The following PYCR1 variants were observed in gnomAD, a reference collection of about 807,000 sequenced individuals.
The protein encoded by PYCR1 is pyrroline-5-carboxylate reductase 1, mitochondrial.
Under a neutral mutation model 22.9 loss-of-function variants are expected in PYCR1, and 19 were observed. The observed-to-expected ratio is 0.83, with a 90% CI of 0.58 to 1.22. PYCR1 has a LOEUF of 1.22. PYCR1 is among the 50% of genes most tolerant of loss of function. The pLI is 0.00. For missense variants in PYCR1, 429 were observed against 431.3 expected (o/e 0.99, Z 0.05); for synonymous variants, 175 against 180.5 (o/e 0.97, Z 0.24).
At chr17:81,934,578 C>T in intron 5 of PYCR1, 75 bp downstream of exon 5, 1 of 1,551,522 alleles carries the variant, frequency 6.4e-7, no homozygotes, top group Non-Finnish European at 8.7e-7. Context: ...ACTGACGCCC[C>T]ACTTGGCTCC....
chr17:81,935,071 G>T lies in PYCR1; in HGVS notation c.395C>A (p.Ala132Asp), dbSNP rs2041139511. ...TNTPVVVREG[A>D]TVYATGTHAQ... ...GTGCGTGCCTGTGGCATACACGGTG[G>T]CCCCCTCCCGCACCACGACTGGAGT... Residue 132 changes from alanine to aspartate, a missense_variant, in exon 4 of 7, where the codon GCC becomes GAC. By Grantham distance (126) the Ala-to-Asp change is moderately radical. Transcript: ENST00000329875. 6.2e-7 allele frequency: 1 copy of T among 1,610,396 alleles called. No homozygotes were observed.
chr17:81,936,062 T>A, intron 2 of PYCR1, 61 bp downstream of exon 2: 1 of 1,580,622 alleles, frequency 6.3e-7, no homozygotes, highest in Non-Finnish European at 8.7e-7. Flanking sequence ...CACACACTCC[T>A]GCCTCTCACA....
At position 81,935,383 on chromosome 17, in the gene PYCR1, A is replaced by G. The variant is rs1459093471; in HGVS notation, c.272T>C (p.Ile91Thr). 1.2e-6 allele frequency: 2 copies of G among 1,613,276 alleles called. No individual in the cohort carries two copies. The highest frequency in any genetic ancestry group is 1.3e-5 in the African/African-American group (1 of 74,896). Residue 91 changes from isoleucine (I) to threonine (T), a missense_variant, in exon 3 of 7, where the codon ATT becomes ACT. Transcript: ENST00000329875. ...EIGADIEDRH[I>T]VVSCAAGVTI... Reference sequence around the variant, plus strand: ...GACGCCGGCCGCGCAGGACACCACAATGTGTCTGTCCTCAATGTCGGCGCC... The same window carrying G: ...GACGCCGGCCGCGCAGGACACCACAGTGTGTCTGTCCTCAATGTCGGCGCC...
chr17:81,932,999 G>T lies in PYCR1; in HGVS notation c.*215C>A. 6.3e-7 allele frequency: 1 copy of T among 1,597,814 alleles called. No homozygotes were observed. ...TTGGGAGCAGAGAAGAAAGGAGGTT[G>T]AGGTTGGGGAATCCACCCCTGTTCT... On this transcript the variant is annotated 3_prime_UTR_variant, in exon 7 of 7. Transcript: ENST00000329875.
At chr17:81,935,549 C>T in intron 2 of PYCR1, 33 bp from the exon 3 acceptor site, 1 of 1,572,228 alleles carries the variant, frequency 6.4e-7, no homozygotes, top group Non-Finnish European at 8.6e-7. Context: ...CAGCCTGGTC[C>T]CGTGGCTGTC....
chr17:81,937,195 G>A lies in PYCR1; in HGVS notation c.-381C>T, dbSNP rs2041225240. ...ACTGGGCTACCGTCGCGCCCCACCC[G>A]GCGACCGCCGCCCACCATTCCCGGA... is the stretch of plus-strand genomic sequence containing the variant. On this transcript the variant is annotated 5_prime_UTR_variant, in exon 1 of 7. Coordinates refer to ENST00000329875, the MANE Select transcript of PYCR1 (RefSeq NM_006907.4). The A allele has an allele frequency of 2.0e-6, 3 of 1,476,018 alleles. No homozygotes were observed. Among genetic ancestry groups the A allele is most frequent in the African/African-American group, 1.4e-5 (1 of 70,264 alleles). 91.4% of individuals were successfully genotyped at this position (1,476,018 alleles called of 1,614,324 possible).
At position 81,936,152 on chromosome 17, in the gene PYCR1, T is replaced by C; in HGVS notation, c.109A>G (p.Met37Val). The C allele has an allele frequency of 3.1e-6, 5 of 1,613,858 alleles. No homozygotes were observed. Among genetic ancestry groups the C allele is most frequent in the South Asian group, 1.1e-5 (1 of 91,088 alleles). The change falls in exon 2 of 7, where the codon ATG becomes GTG. Residue 37 changes from methionine (M) to valine (V), a missense_variant. Transcript: ENST00000329875. Reference sequence around the variant, plus strand: ...AGAGCAGAAACTGTGGCCAGGTCCATGTCTGGGGAGCTAGCCATTATCTTG... The same window carrying C: ...AGAGCAGAAACTGTGGCCAGGTCCACGTCTGGGGAGCTAGCCATTATCTTG... ...AHKIMASSPD[M>V]DLATVSALRK...
At position 81,934,489 on chromosome 17, in the gene PYCR1, C is replaced by T. The variant is rs539230162; in HGVS notation, c.634G>A (p.Gly212Arg). ...GAGTGCAGCAGCATCTTGGCAGCCCCCTGCAGCCAGAAGAAAGGCTGACGG... is the reference window on the plus strand; with the variant it reads ...GAGTGCAGCAGCATCTTGGCAGCCCTCTGCAGCCAGAAGAAAGGCTGACGG... ...AVRLGAQALLGAAKMLLHSEQ... is the reference protein window; with the variant it reads ...AVRLGAQALLRAAKMLLHSEQ... Residue 212 changes from glycine to arginine, a missense_variant and splice_region_variant, in exon 6 of 7, where the codon GGG becomes AGG. Transcript: ENST00000329875. 2.5e-6 allele frequency: 4 copies of T among 1,599,448 alleles called. No individual in the cohort carries two copies. Among genetic ancestry groups the T allele is most frequent in the East Asian group, 4.5e-5 (2 of 44,378 alleles).
Position 81,933,300 on chromosome 17 carries a change from G to A in PYCR1, c.874C>T (p.Leu292=), listed in dbSNP as rs545475719. ...AGAGCGGTCCCTGCAGGGGAGTCCA[G>A]CTTCACCTTGTCCAGGATGGTCTTC... ...IKKTILDKVK[L]DSPAGTALSP... The change falls in exon 7 of 7, where the codon CTG becomes TTG. Residue 292 remains leucine, a synonymous_variant. Transcript: ENST00000329875. 5 of 1,613,922 alleles carry A rather than the reference G, an allele frequency of 3.1e-6. No homozygotes were observed. Among genetic ancestry groups the A allele is most frequent in the Non-Finnish European group, 4.2e-6 (5 of 1,179,986 alleles).
chr17:81,936,605 A>C (rs2041202234), intron 1 of PYCR1, 143 bp downstream of exon 1: 1 of 894,996 alleles, frequency 1.1e-6, no homozygotes, highest in Non-Finnish European at 1.7e-6. Flanking sequence ...GCACAGGTAA[A>C]GCCCCAAACA....
intron 2 of PYCR1, 32 bp from the exon 3 acceptor site, chr17:81,935,548 C>T (rs1354790985): frequency 1.3e-6 from 2 of 1,575,242 alleles, no homozygotes; most frequent in East Asian, 2.3e-5. Flanking sequence ...TCAGCCTGGT[C>T]CCGTGGCTGT....
rs11555730 is a variant in PYCR1 at position 81,935,130 on chromosome 17, C to G, written c.336G>C (p.Arg112=). The G allele has an allele frequency of 6.2e-7, 1 of 1,607,994 alleles. No homozygotes were observed. The highest frequency in any genetic ancestry group is 2.2e-5 in the East Asian group (1 of 44,862). Residue 112 remains arginine, a synonymous_variant, in exon 4 of 7, where the codon CGG becomes CGC. Coordinates refer to ENST00000329875, the MANE Select transcript of PYCR1 (RefSeq NM_006907.4). ...SSIEKKLSAF[R]PAPRVIRCMT... ...TGCAGCGGATGACCCTGGGGGCTGG[C>G]CGAAACGCTGACAGCTTCTGGAAGA...
At position 81,936,868 on chromosome 17, in the gene PYCR1, G is replaced by A; in HGVS notation, c.-54C>T. On this transcript the variant is annotated 5_prime_UTR_variant, in exon 1 of 7. Transcript: ENST00000329875. ...CCCACAGATGGCACCGGCTCTGCGG[G>A]ACGAGACCGGCAGGATCGAGAGCAA... 1 of 1,574,592 alleles carries A rather than the reference G, an allele frequency of 6.4e-7. No homozygotes were observed. The highest frequency in any genetic ancestry group is 1.2e-5 in the South Asian group (1 of 86,044).
Position 81,934,710 on chromosome 17 carries a change from AC to A in PYCR1, c.575del (p.Gly192ValfsTer2), listed in dbSNP as rs1567923524. 4 of 1,570,418 alleles carry A rather than the reference AC, an allele frequency of 2.5e-6. No homozygotes were observed. Among genetic ancestry groups the A allele is most frequent in the Non-Finnish European group, 3.5e-6 (4 of 1,158,772 alleles). ...GGCGCCTTGGAAGTCCCATCTTCAC[AC>A]CCCCATCAGCCAGGGCATCCAGGGC... ...FTALDALADG[G>X]VKMGLPRRLA... On this transcript the variant is annotated frameshift_variant, in exon 5 of 7. Coordinates refer to ENST00000329875, the MANE Select transcript of PYCR1 (RefSeq NM_006907.4). LOFTEE classifies it high-confidence loss of function.
rs376715130 is a variant in PYCR1 at position 81,935,364 on chromosome 17, G to A, written c.291C>T (p.Ala97=). 7.4e-6 allele frequency: 12 copies of A among 1,612,612 alleles called. No homozygotes were observed. The highest frequency in any genetic ancestry group is 1.3e-5 in the African/African-American group (1 of 74,886). ...EDRHIVVSCA[A]GVTISSIEKK... ...TCTCAATGGAGCTGATGGTGACGCCGGCCGCGCAGGACACCACAATGTGTC... is the reference window on the plus strand; with the variant it reads ...TCTCAATGGAGCTGATGGTGACGCCAGCCGCGCAGGACACCACAATGTGTC... Residue 97 remains alanine (A), a synonymous_variant, in exon 3 of 7, where the codon GCC becomes GCT. Coordinates refer to ENST00000329875, the MANE Select transcript of PYCR1 (RefSeq NM_006907.4).
chr17:81,936,077 G>A lies in PYCR1; in HGVS notation c.138+46C>T, dbSNP rs766726089. Reference sequence around the variant, plus strand: ...CACACACTCCTGCCTCTCACACCCAGCCCCACAGGGACTCAGTCTCCTTTC... The same window carrying A: ...CACACACTCCTGCCTCTCACACCCAACCCCACAGGGACTCAGTCTCCTTTC... On this transcript the variant is annotated intron_variant, in intron 2 of 6. Transcript: ENST00000329875. The A allele has an allele frequency of 1.1e-5, 17 of 1,600,758 alleles. No homozygotes were observed. The South Asian group carries it at 1.9e-4, about 18-fold the overall frequency.
chr17:81,932,826 C>G lies in PYCR1; in HGVS notation c.*388G>C. On this transcript the variant is annotated 3_prime_UTR_variant, in exon 7 of 7. Coordinates refer to ENST00000329875, the MANE Select transcript of PYCR1 (RefSeq NM_006907.4). Reference sequence around the variant, plus strand: ...AGGGCAGGGAGGGGCCGGGAGGGGGCGTGGGATCCCACCTCTGCTGAGCCT... The same window carrying G: ...AGGGCAGGGAGGGGCCGGGAGGGGGGGTGGGATCCCACCTCTGCTGAGCCT... 1.3e-6 allele frequency: 2 copies of G among 1,570,162 alleles called. No homozygotes were observed. The highest frequency in any genetic ancestry group is 1.7e-6 in the Non-Finnish European group (2 of 1,159,616).
chr17:81,933,336 C>T lies in PYCR1; in HGVS notation c.838G>A (p.Ala280Thr). The T allele has an allele frequency of 1.2e-6, 2 of 1,613,882 alleles. No individual in the cohort carries two copies. The highest frequency in any genetic ancestry group is 1.7e-6 in the Non-Finnish European group (2 of 1,179,990). The change falls in exon 7 of 7, where the codon GCC (alanine) becomes ACC (threonine). Residue 280 changes from alanine to threonine, a missense_variant. Coordinates refer to ENST00000329875, the MANE Select transcript of PYCR1 (RefSeq NM_006907.4). Reference sequence around the variant, plus strand: ...TCCAGGATGGTCTTCTTGATGGCGGCTGGTGACACCTGCTCCTGGTCAGCC... The same window carrying T: ...TCCAGGATGGTCTTCTTGATGGCGGTTGGTGACACCTGCTCCTGGTCAGCC... ...SMADQEQVSP[A>T]AIKKTILDKV...
At position 81,933,028 on chromosome 17, in the gene PYCR1, C is replaced by A; in HGVS notation, c.*186G>T. The A allele has an allele frequency of 3.2e-6, 5 of 1,580,388 alleles. No individual in the cohort carries two copies. The South Asian group carries it at 4.6e-5, about 14-fold the overall frequency. On this transcript the variant is annotated 3_prime_UTR_variant, in exon 7 of 7. Transcript: ENST00000329875. ...TTGGGGAATCCACCCCTGTTCTGGG[C>A]TGGGAAGCACTTGCAGACCACAGAG... is the stretch of plus-strand genomic sequence containing the variant.
Sources: gnomAD v4.1 joint callset for allele counts on GRCh38, gnomAD v4.1.1 for gene constraint, MANE v1.5 for transcripts, NCBI Gene and HGNC (gene_info 2026-07-23, HGNC 2026-07-21) for gene names.